GFPT1: variants seen among roughly 807,000 people sequenced by gnomAD.
GFPT1 encodes glutamine--fructose-6-phosphate transaminase 1, also known as glutamine--fructose-6-phosphate aminotransferase [isomerizing] 1.
GFPT1 carries 40 observed loss-of-function variants against 92.0 expected under a neutral mutation model. The ratio of observed to expected loss-of-function variants is 0.43; its 90% CI spans 0.34 to 0.57. GFPT1 has a LOEUF of 0.57. Among genes scored for constraint, GFPT1 ranks in the 20% least tolerant of loss-of-function variants. The probability of loss-of-function intolerance (pLI) is 0.02; values close to 1 mark genes in which losing one functional copy is unlikely to be tolerated. For missense variants in GFPT1, 448 were observed against 869.1 expected (o/e 0.52, Z 6.09); for synonymous variants, 269 against 280.6 (o/e 0.96, Z 0.41).
chr2:69,376,045 T>C (rs1017155765), intron 1 of GFPT1, among the ~76,000 whole-genome samples: 3 of 152,240 alleles, frequency 2.0e-5, no homozygotes, highest in African/African-American at 4.8e-5. Flanking sequence ...GAAGTATCTG[T>C]AATATGAATA....
At position 69,339,390 on chromosome 2, in the gene GFPT1, T is replaced by C. The variant is rs75478970; in HGVS notation, c.1204-825A>G. ...CTCACTATTTTCAACTTTTGTGGCA[T>C]GGGGCAGGGGGAATGAAGTAGGGAG... is the stretch of plus-strand genomic sequence containing the variant. On this transcript the variant is annotated intron_variant, in intron 13 of 19. Coordinates refer to ENST00000357308, the MANE Select transcript of GFPT1 (RefSeq NM_001244710.2). Among the ~76,000 whole-genome samples the C allele has an allele frequency of 1.1e-3, 167 of 152,328 alleles. 2 individuals are homozygous for C. The East Asian group carries it at 0.024, about 22-fold the overall frequency.
At chr2:69,348,365 G>A (rs201418165) in intron 10 of GFPT1, 31 bp from the exon 11 acceptor site, 45 of 1,493,190 alleles carry the variant, frequency 3.0e-5, no homozygotes, top group African/African-American at 1.1e-4. Flanking sequence ...TATTACAATC[G>A]ATAACCAAGG....
At chr2:69,364,533 C>G (rs1164980160) in intron 3 of GFPT1, among the ~76,000 whole-genome samples, 1 of 152,180 alleles carries the variant, frequency 6.6e-6, no homozygotes. Flanking sequence ...GACACACAAC[C>G]TTATGACTGC....
At chr2:69,355,716 C>CCTTAGTCAT (rs1671320125) in intron 7 of GFPT1, among the ~76,000 whole-genome samples, 1 of 152,128 alleles carries the variant, frequency 6.6e-6, no homozygotes, top group South Asian at 2.1e-4. Context: ...TCCTTAGTCA[C>CCTTAGTCAT]CCTGTTTTCA....
At position 69,328,336 on chromosome 2, in the gene GFPT1, T is replaced by C. The variant is rs1181096931; in HGVS notation, c.1828A>G (p.Ile610Val). Residue 610 changes from isoleucine to valine, a missense_variant, in exon 18 of 20, where the codon ATC becomes GTC. Physicochemically the swap from Ile to Val is conservative, Grantham distance 29 (BLOSUM62 3). Transcript: ENST00000357308. ...LVDKLMPVIM[I>V]IMRDHTYAKC... ...GCATAAGTGTGATCTCTCATGATGA[T>C]CATGATCACAGGCATCAATTTATCC... The C allele has an allele frequency of 6.2e-7, 1 of 1,613,344 alleles. No homozygotes were observed. The highest frequency in any genetic ancestry group is 8.5e-7 in the Non-Finnish European group (1 of 1,179,392).
chr2:69,344,662 T>TA (rs1212607429), intron 12 of GFPT1, among the ~76,000 whole-genome samples: 1 of 151,964 alleles, frequency 6.6e-6, no homozygotes, highest in East Asian at 1.9e-4. Context: ...TTTTATTTTT[T>TA]TTTTTTGAGA....
rs767354701 is a variant in GFPT1 at position 69,354,453 on chromosome 2, A to C, written c.685+36T>G. The C allele has an allele frequency of 2.2e-6, 3 of 1,349,172 alleles. No individual in the cohort carries two copies. In the Admixed American group the frequency reaches 5.0e-5, roughly 23 times the overall value. 83.6% of individuals were successfully genotyped at this position (1,349,172 alleles called of 1,614,324 possible). On this transcript the variant is annotated intron_variant, in intron 8 of 19. Coordinates refer to ENST00000357308, the MANE Select transcript of GFPT1 (RefSeq NM_001244710.2). ...TCCAACTTAAGGAAAATAATTCTTC[A>C]TATCTACTGCACTGCATTTGTAGAG...
At position 69,329,673 on chromosome 2, in the gene GFPT1, T is replaced by C; in HGVS notation, c.1597+11A>G. On this transcript the variant is annotated intron_variant, in intron 16 of 19. Coordinates refer to ENST00000357308, the MANE Select transcript of GFPT1 (RefSeq NM_001244710.2). Reference sequence around the variant, plus strand: ...AGACAACAAAAGTGTAATATATGAGTGTCTTTGTACCAGGCAGCCGTTTCA... The same window carrying C: ...AGACAACAAAAGTGTAATATATGAGCGTCTTTGTACCAGGCAGCCGTTTCA... 6.5e-7 allele frequency: 1 copy of C among 1,548,048 alleles called. No individual in the cohort carries two copies.
At chr2:69,379,290 G>C (rs1671950580) in intron 1 of GFPT1, among the ~76,000 whole-genome samples, 1 of 152,050 alleles carries the variant, frequency 6.6e-6, no homozygotes. Flanking sequence ...CACTTTCGTA[G>C]GCCAAGGCGG....
intron 15 of GFPT1, among the ~76,000 whole-genome samples, chr2:69,336,672 T>C (rs1670808102): frequency 6.7e-6 from 1 of 148,208 alleles, no homozygotes; most frequent in Non-Finnish European, 1.5e-5. Context: ...GCATCTGCAG[T>C]CCCAGCCACT....
chr2:69,329,822 A>C (rs1429354776), intron 15 of GFPT1, 24 bp from the exon 16 acceptor site: 4 of 1,168,142 alleles, frequency 3.4e-6, no homozygotes, highest in Non-Finnish European at 5.2e-6. Flanking sequence ...AAAAAGCAGG[A>C]CAATTAGTTG....
chr2:69,367,983 T>C (rs548566188), intron 3 of GFPT1, among the ~76,000 whole-genome samples: 1 of 152,344 alleles, frequency 6.6e-6, no homozygotes, highest in African/African-American at 2.4e-5. Context: ...GTGCAGTGGT[T>C]CAAGCCTGTA....
chr2:69,371,076 C>CTT (rs1156764424), intron 2 of GFPT1, among the ~76,000 whole-genome samples: 45 of 127,738 alleles, frequency 3.5e-4, no homozygotes, highest in Admixed American at 6.4e-4. Flanking sequence ...CTTTTCTTTT[C>CTT]TTTTTTTTTT....
chr2:69,328,111 A>AC (rs1259598230), intron 18 of GFPT1, among the ~76,000 whole-genome samples, 160 bp downstream of exon 18: 3 of 152,140 alleles, frequency 2.0e-5, no homozygotes, highest in South Asian at 4.2e-4. Context: ...AAAAAAAAAA[A>AC]AAAACTCTTA....
chr2:69,338,070 G>A lies in GFPT1; in HGVS notation c.1325-15C>T, dbSNP rs985733637. ...TGCTGTCTCACCTGTGTAAAAAGTA[G>A]GCCAACCATAACACACAGAACAGTT... On this transcript the variant is annotated splice_polypyrimidine_tract_variant and intron_variant, in intron 14 of 19. Coordinates refer to ENST00000357308, the MANE Select transcript of GFPT1 (RefSeq NM_001244710.2). 6.2e-7 allele frequency: 1 copy of A among 1,613,222 alleles called. No homozygotes were observed. The highest frequency in any genetic ancestry group is 1.3e-5 in the African/African-American group (1 of 74,886).
intron 13 of GFPT1, among the ~76,000 whole-genome samples, chr2:69,339,845 T>G (rs1670895336): frequency 6.6e-6 from 1 of 152,174 alleles, no homozygotes; most frequent in Admixed American, 6.5e-5. Context: ...GAAGATAAAA[T>G]GCTCCTATTT....
At chr2:69,358,222 A>G in intron 6 of GFPT1, 107 bp downstream of exon 6, 4 of 922,750 alleles carry the variant, frequency 4.3e-6, no homozygotes, top group Non-Finnish European at 6.9e-6. Context: ...GAGAAATAAA[A>G]GCCAAAAATA....
At chr2:69,350,438 T>C (rs1380252533) in intron 9 of GFPT1, among the ~76,000 whole-genome samples, 2 of 152,178 alleles carry the variant, frequency 1.3e-5, no homozygotes, top group Non-Finnish European at 2.9e-5. Flanking sequence ...TTTTTTAATA[T>C]AATATTTATT....
chr2:69,361,853 G>C (rs1385369337), intron 4 of GFPT1, among the ~76,000 whole-genome samples: 1 of 152,094 alleles, frequency 6.6e-6, no homozygotes. Context: ...GGTGGTGCAA[G>C]CCTGTGATCC....
Sources: allele counts gnomAD v4.1 joint callset (sites outside exome capture counted in the v4.1 genomes callset), GRCh38; gene constraint gnomAD v4.1.1; transcripts MANE v1.5; gene names NCBI Gene and HGNC (gene_info 2026-07-23, HGNC 2026-07-21).